The following LRRC34 variants were observed in gnomAD, a reference collection of about 807,000 sequenced individuals.
The protein encoded by LRRC34 is leucine-rich repeat-containing protein 34.
LRRC34 carries 44 observed loss-of-function variants against 48.5 expected under a neutral mutation model. The observed-to-expected ratio is 0.91, with a 90% CI of 0.71 to 1.17. The LOEUF (loss-of-function observed/expected upper bound fraction) is 1.17. Ranked by LOEUF, LRRC34 falls within the 50% of genes most tolerant of loss-of-function variation. The pLI, the probability that LRRC34 is intolerant of heterozygous loss-of-function variation, is 0.00. For missense variants in LRRC34, 502 were observed against 563.0 expected (o/e 0.89, Z 1.10); for synonymous variants, 192 against 197.6 (o/e 0.97, Z 0.24).
At position 169,812,447 on chromosome 3, in the gene LRRC34, C is replaced by A. The variant is rs1229679539; in HGVS notation, c.102G>T (p.Gln34His). Residue 34 changes from glutamine to histidine, a missense_variant, in exon 1 of 11, where the codon CAG becomes CAT. Gln to His is a conservative substitution (Grantham distance 24). Transcript: ENST00000446859. The surrounding 1 kb of genome is among the most constrained non-coding windows in gnomAD (Gnocchi z 4.3). ...PARSPAWASTQASTPGAALAV... is the reference protein window; with the variant it reads ...PARSPAWASTHASTPGAALAV... ...CCAGGGCCGCGCCCGGAGTACTGGC[C>A]TGAGTGGAGGCCCAAGCCGGGGACC... The A allele has an allele frequency of 6.5e-7, 1 of 1,532,228 alleles. No homozygotes were observed. Among genetic ancestry groups the A allele is most frequent in the South Asian group, 1.2e-5 (1 of 83,816 alleles). 94.9% of individuals were successfully genotyped at this position (1,532,228 alleles called of 1,614,324 possible). A position where few individuals can be genotyped will look rare whatever the true frequency, so the allele number is the denominator to read the frequency against.
intron 10 of LRRC34, 139 bp from the exon 11 acceptor site, chr3:169,793,977 T>G (rs940384318): frequency 1.8e-6 from 1 of 568,468 alleles, no homozygotes; most frequent in African/African-American, 1.9e-5. Flanking sequence ...TTGCTGAATT[T>G]TAATATTTTC....
chr3:169,799,115 T>C (rs953684629), intron 7 of LRRC34, among the ~76,000 whole-genome samples: 1 of 152,198 alleles, frequency 6.6e-6, no homozygotes, highest in Non-Finnish European at 1.5e-5. Flanking sequence ...AGATTCTGAG[T>C]GTCTTGTTGA....
intron 7 of LRRC34, 38 bp downstream of exon 7, chr3:169,800,621 A>C: frequency 7.7e-7 from 1 of 1,302,512 alleles, no homozygotes; most frequent in Non-Finnish European, 1.1e-6. Flanking sequence ...AGTTTTATTC[A>C]TGTTGTTATA....
chr3:169,807,794 TATAA>T (rs1465230660), intron 2 of LRRC34, 85 bp from the exon 3 acceptor site: 22 of 1,360,934 alleles, frequency 1.6e-5, no homozygotes, highest in Admixed American at 3.0e-5. Context: ...TTCCTTCATG[TATAA>T]ATAGTCATAT....
At chr3:169,798,118 A>C (rs1296746773) in intron 7 of LRRC34, among the ~76,000 whole-genome samples, 4 of 152,192 alleles carry the variant, frequency 2.6e-5, no homozygotes, top group Non-Finnish European at 5.9e-5. Flanking sequence ...ACGTAAAAAA[A>C]TGCAAACCAA....
In LRRC34 at chr3:169,812,805, G is replaced by C. The variant is rs935059696; in HGVS notation, c.-257C>G. On this transcript the variant is annotated 5_prime_UTR_variant, in exon 1 of 11. Transcript: ENST00000446859. The surrounding 1 kb of genome is among the most constrained non-coding windows in gnomAD (Gnocchi z 4.3). ...GGGCTCCGCTGCTGAGCTAGGGCTGGGGCTACAAAGAAGATTATGACAAAG... is the reference window on the plus strand; with the variant it reads ...GGGCTCCGCTGCTGAGCTAGGGCTGCGGCTACAAAGAAGATTATGACAAAG... 2 of 483,822 alleles carry C rather than the reference G, an allele frequency of 4.1e-6. No homozygotes were observed. Among genetic ancestry groups the C allele is most frequent in the South Asian group, 6.7e-5 (2 of 29,676 alleles). The allele number at this position is 483,822 out of a possible 1,614,324, so 30.0% of individuals were successfully genotyped here. A position where few individuals can be genotyped will look rare whatever the true frequency, so the allele number is the denominator to read the frequency against.
intron 10 of LRRC34, chr3:169,795,273 T>G (rs1778946365): frequency 3.2e-6 from 1 of 312,118 alleles, no homozygotes; most frequent in Admixed American, 4.7e-5. Context: ...AACTGTGTCA[T>G]TCAGTGATGT....
chr3:169,795,949 GT>G (rs1778970982), intron 9 of LRRC34: 1 of 1,190,372 alleles, frequency 8.4e-7, no homozygotes, highest in African/African-American at 1.6e-5. Flanking sequence ...ATGCTTCTGA[GT>G]TTTCTATTAG....
chr3:169,797,499 G>C (rs1334611336), intron 7 of LRRC34, among the ~76,000 whole-genome samples: 1 of 151,856 alleles, frequency 6.6e-6, no homozygotes, highest in East Asian at 1.9e-4. Context: ...GCTACTTCTA[G>C]GTAAAAGATA....
At position 169,796,358 on chromosome 3, in the gene LRRC34, G is replaced by A. The variant is rs1261715577; in HGVS notation, c.920C>T (p.Thr307Ile). ...AGCCAAATACACCATTCCATCATGA[G>A]TTATTTTGTTGCTGGCAAAGGAAAA... ...RYLDVSCNKI[T>I]HDGMVYLADV... Residue 307 changes from threonine (T) to isoleucine (I), a missense_variant, in exon 9 of 11, where the codon ACT becomes ATT. Physicochemically the swap from Thr to Ile is moderately conservative, Grantham distance 89 (BLOSUM62 -1). Transcript: ENST00000446859. The A allele has an allele frequency of 6.2e-7, 1 of 1,600,578 alleles. No individual in the cohort carries two copies. The highest frequency in any genetic ancestry group is 8.5e-7 in the Non-Finnish European group (1 of 1,176,770).
rs1291768257 is a variant in LRRC34 at position 169,806,874 on chromosome 3, C to A, written c.502G>T (p.Gly168Ter). ...TGTAGCACTTTAGCAATCAATTCTCCACCTTCGGGCCCAATATCATTAAAC... is the reference window on the plus strand; with the variant it reads ...TGTAGCACTTTAGCAATCAATTCTCAACCTTCGGGCCCAATATCATTAAAC... ...LMFNDIGPEGGELIAKVLHKN... is the reference protein window; with the variant it reads ...LMFNDIGPEG Residue 168 changes from glycine to a stop codon, truncating the protein, a stop_gained, in exon 5 of 11, where the codon GGA becomes TGA. Coordinates refer to ENST00000446859, the MANE Select transcript of LRRC34 (RefSeq NM_001172779.2). LOFTEE classifies it high-confidence loss of function. The A allele has an allele frequency of 6.2e-7, 1 of 1,607,156 alleles. No individual in the cohort carries two copies. Among genetic ancestry groups the A allele is most frequent in the African/African-American group, 1.3e-5 (1 of 74,878 alleles).
Position 169,804,173 on chromosome 3 carries a change from C to T in LRRC34, c.537G>A (p.Arg179=). ...CAGTCATTCTTAGGTATTTCAGAGT[C>T]CGATTCTTCTGAAAAGGAAAAAAAA... ...ELIAKVLHKN[R]TLKYLRMTGN... is the part of the protein sequence containing the mutation. The change falls in exon 6 of 11, where the codon CGG becomes CGA. Residue 179 remains arginine (R), a synonymous_variant. Transcript: ENST00000446859. 1 of 1,576,584 alleles carries T rather than the reference C, an allele frequency of 6.3e-7. No individual in the cohort carries two copies. The highest frequency in any genetic ancestry group is 8.6e-7 in the Non-Finnish European group (1 of 1,163,088).
At position 169,812,525 on chromosome 3, in the gene LRRC34, T is replaced by C. The variant is rs945012953; in HGVS notation, c.24A>G (p.Pro8=). MAAQPPR[P]VGERSMGSSR... ...AGCTCCCCATGCTCCTCTCACCCAC[T>C]GGCCGCGGCGGCTGCGCTGCCATGG... The change falls in exon 1 of 11, where the codon CCA becomes CCG. Residue 8 remains proline, a synonymous_variant. Transcript: ENST00000446859. The surrounding 1 kb of genome is among the most constrained non-coding windows in gnomAD (Gnocchi z 4.3). 6.6e-7 allele frequency: 1 copy of C among 1,510,500 alleles called. No homozygotes were observed. Among genetic ancestry groups the C allele is most frequent in the South Asian group, 1.2e-5 (1 of 81,102 alleles). 93.6% of individuals were successfully genotyped at this position (1,510,500 alleles called of 1,614,324 possible). A position where few individuals can be genotyped will look rare whatever the true frequency, so the allele number is the denominator to read the frequency against.
intron 7 of LRRC34, among the ~76,000 whole-genome samples, chr3:169,799,309 A>G (rs1779106385): frequency 6.6e-6 from 1 of 152,232 alleles, no homozygotes; most frequent in Non-Finnish European, 1.5e-5. Flanking sequence ...CTAAGGGGGA[A>G]CAATGAAGTA....
Position 169,812,706 on chromosome 3 carries a change from C to T in LRRC34, c.-158G>A, listed in dbSNP as rs1234505996. The T allele has an allele frequency of 8.7e-7, 1 of 1,144,240 alleles. No homozygotes were observed. Among genetic ancestry groups the T allele is most frequent in the Non-Finnish European group, 1.2e-6 (1 of 865,850 alleles). 70.9% of individuals were successfully genotyped at this position (1,144,240 alleles called of 1,614,324 possible). Reference sequence around the variant, plus strand: ...CCTACTCTGTGGAGGTCCTTTGTCACCCTGCCCTGGTTAAAGGCAGCCTGA... The same window carrying T: ...CCTACTCTGTGGAGGTCCTTTGTCATCCTGCCCTGGTTAAAGGCAGCCTGA... On this transcript the variant is annotated 5_prime_UTR_variant, in exon 1 of 11. It adds an upstream start codon to the 5' untranslated region. Transcript: ENST00000446859. This position sits in a 1 kb window ranked among gnomAD's most constrained non-coding sequence, Gnocchi z 4.3.
At position 169,801,812 on chromosome 3, in the gene LRRC34, TTTTA is replaced by T. The variant is rs529101910; in HGVS notation, c.658-1062_658-1059del. Among the ~76,000 whole-genome samples the T allele has an allele frequency of 8.8e-4, 134 of 152,314 alleles. 2 individuals are homozygous for T. The South Asian group carries it at 0.027, about 31-fold the overall frequency. ...GCAAAATATTTAACACTATTTTTGT[TTTTA>T]TTTATTTATTTTTTGAGATAGGGTC... On this transcript the variant is annotated intron_variant, in intron 6 of 10. Coordinates refer to ENST00000446859, the MANE Select transcript of LRRC34 (RefSeq NM_001172779.2).
intron 7 of LRRC34, among the ~76,000 whole-genome samples, chr3:169,797,215 G>T (rs1779027465): frequency 6.6e-6 from 1 of 151,816 alleles, no homozygotes; most frequent in South Asian, 2.1e-4. Flanking sequence ...AAAAAAATTG[G>T]TCCCATCATG....
intron 5 of LRRC34, among the ~76,000 whole-genome samples, chr3:169,805,691 C>T (rs538890165): frequency 5.9e-5 from 9 of 152,056 alleles, no homozygotes; most frequent in African/African-American, 1.9e-4. Flanking sequence ...TTGAGACTAG[C>T]CTGACCAGCG....
chr3:169,804,447 C>G (rs993057879), intron 5 of LRRC34, among the ~76,000 whole-genome samples: 1 of 152,130 alleles, frequency 6.6e-6, no homozygotes, highest in Non-Finnish European at 1.5e-5. Flanking sequence ...AGGCACCCAC[C>G]ACCACGCCTG....
Sources: gnomAD v4.1 joint callset for allele counts (sites outside exome capture counted in the v4.1 genomes callset) on GRCh38, gnomAD v4.1.1 for gene constraint, Gnocchi (gnomAD v3.1) non-coding constraint, MANE v1.5 for transcripts, NCBI Gene and HGNC (gene_info 2026-07-23, HGNC 2026-07-21) for gene names.